Variants in PTPRG observed in about 807,000 individuals in gnomAD.
PTPRG encodes the protein protein tyrosine phosphatase receptor type G.
PTPRG carries 102 observed loss-of-function variants against 165.3 expected under a neutral mutation model. That is an observed-to-expected ratio of 0.62 (90% CI 0.53 to 0.73). The LOEUF (loss-of-function observed/expected upper bound fraction) is 0.73, where lower values mean the gene tolerates loss of function less well. Among genes scored for constraint, PTPRG ranks in the 30% least tolerant of loss-of-function variants. The pLI is 0.00. For missense variants in PTPRG, 1,866 were observed against 1,861.4 expected, an observed-to-expected ratio of 1.00 and a Z score of -0.05; for synonymous variants, 675 against 669.5, an observed-to-expected ratio of 1.01 and a Z score of -0.13.
chr3:61,643,256 CT>C (rs1702111293), intron 1 of PTPRG, among the ~76,000 whole-genome samples: 1 of 149,160 alleles, frequency 6.7e-6, no homozygotes, highest in Admixed American at 6.9e-5. Flanking sequence ...AAGACCCCAT[CT>C]GGGGAGAGAG....
intron 1 of PTPRG, among the ~76,000 whole-genome samples, chr3:61,626,839 A>G (rs1293571619): frequency 6.6e-6 from 1 of 152,222 alleles, no homozygotes; most frequent in Non-Finnish European, 1.5e-5. Flanking sequence ...TTCTTAGAAA[A>G]AGGAATAGTA....
intron 2 of PTPRG, among the ~76,000 whole-genome samples, chr3:61,809,148 T>C (rs1389606275): frequency 6.6e-6 from 1 of 151,372 alleles, no homozygotes; most frequent in Non-Finnish European, 1.5e-5. Context: ...AACTGTTGTT[T>C]CTTATTATTA....
In PTPRG at chr3:61,929,341, G is replaced by GAA. The variant is rs11448196; in HGVS notation, c.191-60275_191-60274dup. On this transcript the variant is annotated intron_variant, in intron 2 of 29. Transcript: ENST00000474889. ...CTACTGAAGAATTATGTTTAAATTT[G>GAA]AAAAAAAAAATACTTTTGCTTTTTA... is the stretch of plus-strand genomic sequence containing the variant. 1.9e-4 allele frequency among the ~76,000 whole-genome samples: 28 copies of GAA among 149,088 alleles called. No individual in the cohort carries two copies. The East Asian group carries it at 2.2e-3, about 11-fold the overall frequency.
intron 2 of PTPRG, among the ~76,000 whole-genome samples, chr3:61,788,714 A>G (rs1470705565): frequency 2.0e-5 from 3 of 152,238 alleles, no homozygotes; most frequent in Admixed American, 6.5e-5. Flanking sequence ...CACATGGTTA[A>G]TATTTTTGGC....
At chr3:61,712,849 A>T (rs1040587074) in intron 1 of PTPRG, among the ~76,000 whole-genome samples, 1 of 152,226 alleles carries the variant, frequency 6.6e-6, no homozygotes, top group African/African-American at 2.4e-5. Context: ...AAGGTCATAT[A>T]TAGCAGCTTC....
At chr3:61,792,554 C>T (rs7614313) in intron 2 of PTPRG, among the ~76,000 whole-genome samples, 1 of 152,022 alleles carries the variant, frequency 6.6e-6, no homozygotes, top group Non-Finnish European at 1.5e-5. Context: ...ACATTCTTCT[C>T]AGTTCTTGGC....
At chr3:61,825,977 A>G (rs1027583814) in intron 2 of PTPRG, among the ~76,000 whole-genome samples, 3 of 152,190 alleles carry the variant, frequency 2.0e-5, no homozygotes, top group African/African-American at 7.2e-5. Flanking sequence ...AAATGATGAT[A>G]ACAGTAACAA....
intron 2 of PTPRG, among the ~76,000 whole-genome samples, chr3:61,874,365 G>A (rs147004424): frequency 7.5e-4 from 114 of 152,288 alleles, no homozygotes; most frequent in Non-Finnish European, 2.9e-4. Flanking sequence ...CAATGCAAAT[G>A]TCTTTTCAGT....
chr3:62,011,316 C>T (rs1375933844), intron 4 of PTPRG, among the ~76,000 whole-genome samples: 2 of 152,176 alleles, frequency 1.3e-5, no homozygotes, highest in Admixed American at 6.5e-5. Flanking sequence ...GGAGGTTCTA[C>T]GGGAACCCTT....
intron 1 of PTPRG, among the ~76,000 whole-genome samples, chr3:61,712,164 G>T (rs536616225): frequency 1.4e-4 from 22 of 152,152 alleles, no homozygotes; most frequent in Non-Finnish European, 2.5e-4. Context: ...AAAGTGCTAG[G>T]ATTACAGGTG....
chr3:62,136,736 A>G (rs1351548166), intron 6 of PTPRG, among the ~76,000 whole-genome samples: 1 of 152,222 alleles, frequency 6.6e-6, no homozygotes, highest in African/African-American at 2.4e-5. Context: ...TTCCCTGCAC[A>G]AGCTGTCTTC....
intron 2 of PTPRG, among the ~76,000 whole-genome samples, chr3:61,820,845 G>A (rs1478564503): frequency 2.0e-5 from 3 of 151,848 alleles, no homozygotes; most frequent in Non-Finnish European, 4.4e-5. Flanking sequence ...ACTTCCTAGG[G>A]TTCTTTGGCC....
chr3:61,562,983 C>A (rs576642436), intron 1 of PTPRG, among the ~76,000 whole-genome samples: 4 of 152,188 alleles, frequency 2.6e-5, no homozygotes, highest in South Asian at 2.1e-4. Flanking sequence ...GGCAGCACTT[C>A]GGTGCCGGCG....
intron 4 of PTPRG, among the ~76,000 whole-genome samples, chr3:62,004,647 T>G (rs2041252958): frequency 6.6e-6 from 1 of 152,212 alleles, no homozygotes; most frequent in Non-Finnish European, 1.5e-5. Context: ...TGGCGATGCT[T>G]GTGATCTCAG....
intron 2 of PTPRG, among the ~76,000 whole-genome samples, chr3:61,918,688 G>C (rs1029532102): frequency 2.6e-5 from 4 of 152,186 alleles, no homozygotes; most frequent in African/African-American, 9.7e-5. Context: ...TTAAGGTTTT[G>C]AAAGGGCTGT....
At chr3:61,884,080 T>C (rs1361053604) in intron 2 of PTPRG, among the ~76,000 whole-genome samples, 1 of 152,230 alleles carries the variant, frequency 6.6e-6, no homozygotes, top group African/African-American at 2.4e-5. Context: ...GGACAATCCA[T>C]GACATACTTA....
intron 2 of PTPRG, among the ~76,000 whole-genome samples, chr3:61,932,248 A>G (rs999267223): frequency 2.0e-5 from 3 of 152,156 alleles, no homozygotes; most frequent in Admixed American, 6.5e-5. Flanking sequence ...TTTGGATTGG[A>G]TATTACATAG....
intron 1 of PTPRG, among the ~76,000 whole-genome samples, chr3:61,673,697 G>T (rs1472522859): frequency 6.6e-6 from 1 of 152,100 alleles, no homozygotes; most frequent in Non-Finnish European, 1.5e-5. Context: ...TCCACCACCC[G>T]AGTAATGTAC....
Position 62,281,622 on chromosome 3 carries a change from T to C in PTPRG, c.3825T>C (p.Phe1275=). 1.3e-6 allele frequency: 2 copies of C among 1,581,678 alleles called. No individual in the cohort carries two copies. Among genetic ancestry groups the C allele is most frequent in the Non-Finnish European group, 1.7e-6 (2 of 1,162,480 alleles). The change falls in exon 27 of 30, where the codon TTT becomes TTC. Residue 1275 remains phenylalanine (F), a synonymous_variant. Coordinates refer to ENST00000474889, the MANE Select transcript of PTPRG (RefSeq NM_002841.4). Reference sequence around the variant, plus strand: ...AAGAATCCATGAACTGTGAGGCCTTTACCGTCACCCTTATCAGCAAAGACA... The same window carrying C: ...AAGAATCCATGAACTGTGAGGCCTTCACCGTCACCCTTATCAGCAAAGACA... The part of the protein sequence containing the change: ...SREESMNCEA[F]TVTLISKDRL...
Sources: allele counts gnomAD v4.1 joint callset (sites outside exome capture counted in the v4.1 genomes callset), GRCh38; gene constraint gnomAD v4.1.1; transcripts MANE v1.5; gene names NCBI Gene and HGNC (gene_info 2026-07-23, HGNC 2026-07-21).